Variants in DPT observed in about 807,000 individuals in gnomAD.
The protein encoded by DPT is dermatopontin, also known as tyrosine-rich acidic matrix protein.
Under a neutral mutation model 31.2 loss-of-function variants are expected in DPT, and 21 were observed. The ratio of observed to expected loss-of-function variants is 0.67; its 90% CI spans 0.48 to 0.97. The LOEUF is 0.97. Among genes scored for constraint, DPT ranks in the 50% least tolerant of loss-of-function variants. The pLI is 0.00. For missense variants in DPT, 262 were observed against 258.8 expected (o/e 1.01, Z -0.08); for synonymous variants, 91 against 86.9 (o/e 1.05, Z -0.26).
At chr1:168,717,363 G>A (rs1650006556) in intron 1 of DPT, among the ~76,000 whole-genome samples, 1 of 152,164 alleles carries the variant, frequency 6.6e-6, no homozygotes, top group Non-Finnish European at 1.5e-5. Context: ...CTTTTGAGAA[G>A]TGTCTGGTCA....
intron 1 of DPT, among the ~76,000 whole-genome samples, chr1:168,725,532 C>T (rs1272648236): frequency 6.6e-6 from 1 of 152,130 alleles, no homozygotes; most frequent in Non-Finnish European, 1.5e-5. Flanking sequence ...CCTGTGCTGA[C>T]CCAAGTTAGA....
chr1:168,712,745 C>T (rs1649895686), intron 2 of DPT, among the ~76,000 whole-genome samples: 2 of 152,160 alleles, frequency 1.3e-5, no homozygotes. Flanking sequence ...TTCAACACAA[C>T]CTGAAAGATC....
chr1:168,720,121 T>C (rs1650069360), intron 1 of DPT, among the ~76,000 whole-genome samples: 1 of 152,002 alleles, frequency 6.6e-6, no homozygotes, highest in African/African-American at 2.4e-5. Flanking sequence ...GTCCTAGCCC[T>C]GACCTTTACA....
intron 2 of DPT, among the ~76,000 whole-genome samples, chr1:168,709,259 T>C (rs1489778018): frequency 6.6e-6 from 1 of 152,230 alleles, no homozygotes; most frequent in Non-Finnish European, 1.5e-5. Flanking sequence ...CTGCAGCTGC[T>C]GAGCTGTTTG....
chr1:168,714,571 C>T (rs1649935970), intron 1 of DPT, among the ~76,000 whole-genome samples: 1 of 152,160 alleles, frequency 6.6e-6, no homozygotes, highest in African/African-American at 2.4e-5. Context: ...ATTTAGGGAA[C>T]ACTGCCCCTG....
chr1:168,721,720 AC>A (rs1366794451), intron 1 of DPT, among the ~76,000 whole-genome samples: 1 of 152,108 alleles, frequency 6.6e-6, no homozygotes, highest in Non-Finnish European at 1.5e-5. Flanking sequence ...CCTAACACAT[AC>A]TGTCACTGAG....
intron 1 of DPT, among the ~76,000 whole-genome samples, chr1:168,727,699 G>A (rs966245438): frequency 6.7e-5 from 7 of 104,784 alleles, no homozygotes; most frequent in African/African-American, 1.6e-4. Flanking sequence ...CAACTACACC[G>A]GGCTAATTTT....
chr1:168,715,544 T>C (rs948132231), intron 1 of DPT, among the ~76,000 whole-genome samples: 8 of 149,166 alleles, frequency 5.4e-5, no homozygotes, highest in African/African-American at 1.7e-4. Flanking sequence ...ATTATGCATG[T>C]CATTTAAAAT....
chr1:168,727,818 C>A (rs1014135693), intron 1 of DPT, among the ~76,000 whole-genome samples: 1 of 152,002 alleles, frequency 6.6e-6, no homozygotes, highest in African/African-American at 2.4e-5. Context: ...GGATTACAGG[C>A]GTGAGCCACC....
chr1:168,709,684 G>A (rs140004755), intron 2 of DPT, among the ~76,000 whole-genome samples: 97 of 152,342 alleles, frequency 6.4e-4, no homozygotes, highest in African/African-American at 2.2e-3. Flanking sequence ...ACGGTGTCAG[G>A]CTGCGTGCTG....
In DPT at chr1:168,729,094, G is replaced by A; in HGVS notation, c.81C>T (p.Tyr27=). 1.2e-6 allele frequency: 2 copies of A among 1,614,208 alleles called. No individual in the cohort carries two copies. The highest frequency in any genetic ancestry group is 1.1e-5 in the South Asian group (1 of 91,078). ...WGQYGDYGYP[Y]QQYHDYSDDG... ...CATCGCTGTAGTCATGATACTGCTG[G>A]TATGGGTATCCATAATCGCCATACT... The change falls in exon 1 of 4, where the codon TAC becomes TAT. Residue 27 remains tyrosine (Y), a synonymous_variant. Coordinates refer to ENST00000367817, the MANE Select transcript of DPT (RefSeq NM_001937.5).
intron 2 of DPT, among the ~76,000 whole-genome samples, chr1:168,702,296 A>G (rs1649616859): frequency 6.6e-6 from 1 of 152,254 alleles, no homozygotes; most frequent in Non-Finnish European, 1.5e-5. Flanking sequence ...TCATTAAATC[A>G]TGAAAAGATT....
intron 2 of DPT, 134 bp downstream of exon 2, chr1:168,714,087 T>C: frequency 8.5e-7 from 1 of 1,173,214 alleles, no homozygotes; most frequent in East Asian, 2.6e-5. Context: ...AAGTCATTCA[T>C]TCATTCTTGT....
chr1:168,720,523 A>T (rs147441609), intron 1 of DPT, among the ~76,000 whole-genome samples: 7 of 152,312 alleles, frequency 4.6e-5, no homozygotes, highest in Admixed American at 4.6e-4. Context: ...TGAACAAGGT[A>T]AAAGGAAGCA....
At chr1:168,713,218 G>A (rs1400062427) in intron 2 of DPT, among the ~76,000 whole-genome samples, 9 of 152,178 alleles carry the variant, frequency 5.9e-5, no homozygotes, top group East Asian at 3.9e-4. Flanking sequence ...TTATGGAAGC[G>A]ATTTTGAAGA....
At chr1:168,724,919 C>A (rs1367495371) in intron 1 of DPT, among the ~76,000 whole-genome samples, 1 of 152,166 alleles carries the variant, frequency 6.6e-6, no homozygotes, top group Non-Finnish European at 1.5e-5. Context: ...CACTCCAAAA[C>A]TTCTCCTTGA....
intron 2 of DPT, among the ~76,000 whole-genome samples, chr1:168,708,735 G>A (rs1649778991): frequency 6.6e-6 from 1 of 152,178 alleles, no homozygotes; most frequent in African/African-American, 2.4e-5. Context: ...GAGCTGAATT[G>A]CAGGAGGCTG....
chr1:168,712,296 T>A (rs964211040), intron 2 of DPT, among the ~76,000 whole-genome samples: 1 of 152,050 alleles, frequency 6.6e-6, no homozygotes, highest in Non-Finnish European at 1.5e-5. Flanking sequence ...CATGTTCCCC[T>A]TCCTCCCCAC....
At chr1:168,708,662 C>A (rs927500962) in intron 2 of DPT, among the ~76,000 whole-genome samples, 5 of 152,144 alleles carry the variant, frequency 3.3e-5, no homozygotes, top group African/African-American at 1.2e-4. Flanking sequence ...TGGTGTGCTG[C>A]ACCTGTTAAC....
Sources: gnomAD v4.1 joint callset for allele counts (sites outside exome capture counted in the v4.1 genomes callset) on GRCh38, gnomAD v4.1.1 for gene constraint, MANE v1.5 for transcripts, NCBI Gene and HGNC (gene_info 2026-07-23, HGNC 2026-07-21) for gene names.